Variants in MXRA7 observed in about 807,000 individuals in gnomAD.
The protein encoded by MXRA7 is matrix-remodeling-associated protein 7.
A neutral mutation model predicts 17.4 loss-of-function variants in MXRA7; 18 were observed. That is an observed-to-expected ratio of 1.03 (90% CI 0.71 to 1.53). The LOEUF is 1.53. Among genes scored for constraint, MXRA7 ranks in the 40% most tolerant of loss-of-function variants. The pLI, the probability that MXRA7 is intolerant of heterozygous loss-of-function variation, is 0.00. For synonymous variants in MXRA7, 70 were observed against 101.7 expected (o/e 0.69, Z 1.87); for missense variants, 141 against 209.3 (o/e 0.67, Z 2.01).
intron 1 of MXRA7, among the ~76,000 whole-genome samples, chr17:76,701,069 G>A (rs551238075): frequency 1.3e-5 from 2 of 152,198 alleles, no homozygotes; most frequent in South Asian, 2.1e-4. Flanking sequence ...AATTGCACGC[G>A]GAGGGCTGTG....
chr17:76,686,460 A>G (rs146578621), intron 2 of MXRA7, among the ~76,000 whole-genome samples: 120 of 152,252 alleles, frequency 7.9e-4, no homozygotes, highest in Middle Eastern at 3.4e-3. Context: ...AGCCTGGGCA[A>G]TAGAGTAAGA....
At chr17:76,697,948 G>A (rs938733896) in intron 1 of MXRA7, among the ~76,000 whole-genome samples, 4 of 152,046 alleles carry the variant, frequency 2.6e-5, no homozygotes, top group African/African-American at 9.7e-5. Context: ...AGGGGAGAGA[G>A]AGAGAACACT....
chr17:76,700,791 G>A (rs1429664312), intron 1 of MXRA7, among the ~76,000 whole-genome samples: 1 of 152,168 alleles, frequency 6.6e-6, no homozygotes, highest in East Asian at 1.9e-4. Flanking sequence ...AAAGCCAAAC[G>A]TGATGATACA....
chr17:76,706,211 CATCACAAA>C lies in MXRA7; in HGVS notation c.342+4386_342+4393del, dbSNP rs1235384082. On this transcript the variant is annotated intron_variant, in intron 1 of 3. Transcript: ENST00000449428. ...CTGCCATCACAGAGGCCCACGCTGCCATCACAAAGGCCCACTCTGCCGTCACAGAGGCC... is the reference window on the plus strand; with the variant it reads ...CTGCCATCACAGAGGCCCACGCTGCCGGCCCACTCTGCCGTCACAGAGGCC... Among the ~76,000 whole-genome samples, 19 of 147,870 alleles carry C rather than the reference CATCACAAA, an allele frequency of 1.3e-4. 2 individuals carry two copies. Among genetic ancestry groups the C allele is most frequent in the Admixed American group, 3.4e-4 (5 of 14,860 alleles).
intron 1 of MXRA7, among the ~76,000 whole-genome samples, chr17:76,700,069 C>T (rs1245013002): frequency 6.6e-6 from 1 of 152,196 alleles, no homozygotes; most frequent in African/African-American, 2.4e-5. Flanking sequence ...AAGCGATTCT[C>T]CTGCCTCAGC....
chr17:76,708,373 G>C (rs1882558119), intron 1 of MXRA7, among the ~76,000 whole-genome samples: 1 of 152,216 alleles, frequency 6.6e-6, no homozygotes, highest in South Asian at 2.1e-4. Flanking sequence ...ACAGCAGGTG[G>C]AGTTGCCCTC....
At chr17:76,695,871 T>C (rs935381461) in intron 1 of MXRA7, among the ~76,000 whole-genome samples, 1 of 151,996 alleles carries the variant, frequency 6.6e-6, no homozygotes, top group African/African-American at 2.4e-5. Flanking sequence ...GGCAGGTGGA[T>C]CATTTGAGGC....
At chr17:76,693,870 C>CA (rs1011045535) in intron 1 of MXRA7, among the ~76,000 whole-genome samples, 17 of 152,272 alleles carry the variant, frequency 1.1e-4, no homozygotes, top group Admixed American at 9.8e-4. Context: ...AACAACACAA[C>CA]AAAAAACTTC....
chr17:76,677,726 GGAA>G, downstream of MXRA7: 1 of 1,571,114 alleles, frequency 6.4e-7, no homozygotes, highest in Non-Finnish European at 8.8e-7. Flanking sequence ...AGGACAAAGA[GGAA>G]GAAGGTGCTC....
chr17:76,699,000 CG>C (rs1454223619), intron 1 of MXRA7, among the ~76,000 whole-genome samples: 1 of 151,970 alleles, frequency 6.6e-6, no homozygotes, highest in Non-Finnish European at 1.5e-5. Context: ...GGATTACAGG[CG>C]TGAGTCACCG....
chr17:76,678,524 C>T (rs1332098540), downstream of MXRA7, among the ~76,000 whole-genome samples: 2 of 152,320 alleles, frequency 1.3e-5, no homozygotes, highest in South Asian at 4.1e-4. Flanking sequence ...GTGCCCTGTG[C>T]TCCTCAGCCC....
At chr17:76,709,218 G>A (rs916238258) in intron 1 of MXRA7, among the ~76,000 whole-genome samples, 2 of 152,126 alleles carry the variant, frequency 1.3e-5, no homozygotes, top group African/African-American at 4.8e-5. Context: ...TGTGCATGAC[G>A]GCTCCAGAAC....
intron 3 of MXRA7, among the ~76,000 whole-genome samples, chr17:76,682,302 C>A (rs1168819863): frequency 6.6e-6 from 1 of 152,148 alleles, no homozygotes; most frequent in African/African-American, 2.4e-5. Flanking sequence ...CAGCTTGTAG[C>A]TGCAACTCGA....
chr17:76,678,999 G>C (rs1489647781), downstream of MXRA7, among the ~76,000 whole-genome samples: 1 of 152,146 alleles, frequency 6.6e-6, no homozygotes, highest in Admixed American at 6.5e-5. Flanking sequence ...GTGCCCTCCT[G>C]TAAGAAGAAA....
At chr17:76,682,494 CTG>C (rs2076319236) in intron 3 of MXRA7, among the ~76,000 whole-genome samples, 1 of 152,128 alleles carries the variant, frequency 6.6e-6, no homozygotes, top group Admixed American at 6.5e-5. Context: ...GGGACCAGAA[CTG>C]TCTCACAGCT....
At chr17:76,696,280 G>A (rs2076532083) in intron 1 of MXRA7, among the ~76,000 whole-genome samples, 1 of 152,122 alleles carries the variant, frequency 6.6e-6, no homozygotes, top group African/African-American at 2.4e-5. Context: ...AGTACTTTGG[G>A]AGGCCATGGT....
At chr17:76,697,198 T>C (rs1359567975) in intron 1 of MXRA7, among the ~76,000 whole-genome samples, 2 of 152,158 alleles carry the variant, frequency 1.3e-5, no homozygotes, top group African/African-American at 4.8e-5. Context: ...GCTGTCCTTA[T>C]AAGAGGAAAC....
intron 1 of MXRA7, among the ~76,000 whole-genome samples, chr17:76,702,578 A>G (rs2076602309): frequency 6.6e-6 from 1 of 152,166 alleles, no homozygotes; most frequent in Non-Finnish European, 1.5e-5. Flanking sequence ...GGCCGGGCGC[A>G]GTGGCTTATG....
At chr17:76,698,465 G>A (rs376375701) in intron 1 of MXRA7, among the ~76,000 whole-genome samples, 3 of 152,122 alleles carry the variant, frequency 2.0e-5, no homozygotes, top group East Asian at 1.9e-4. Flanking sequence ...CTCCATACCC[G>A]GCAAAACAAC....
Sources: gnomAD v4.1 joint callset for allele counts (sites outside exome capture counted in the v4.1 genomes callset) on GRCh38, gnomAD v4.1.1 for gene constraint, MANE v1.5 for transcripts, NCBI Gene and HGNC (gene_info 2026-07-23, HGNC 2026-07-21) for gene names.